Variants in KDM3A observed in about 807,000 individuals in gnomAD.
KDM3A encodes lysine-specific demethylase 3A.
A neutral mutation model predicts 158.0 loss-of-function variants in KDM3A; 60 were observed. The ratio of observed to expected loss-of-function variants is 0.38; its 90% CI spans 0.31 to 0.47. KDM3A has a LOEUF of 0.47. Among genes scored for constraint, KDM3A ranks in the 20% least tolerant of loss-of-function variants. KDM3A has a pLI of 0.99. For synonymous variants in KDM3A, 608 were observed against 549.3 expected, an observed-to-expected ratio of 1.11 and a Z score of -1.49; for missense variants, 1,319 against 1,574.3, an observed-to-expected ratio of 0.84 and a Z score of 2.74.
chr2:86,450,760 A>AT (rs995234517), intron 3 of KDM3A, among the ~76,000 whole-genome samples: 10 of 151,264 alleles, frequency 6.6e-5, no homozygotes, highest in African/African-American at 1.7e-4. Flanking sequence ...TGCTCTTTGT[A>AT]TTTTTTTTTC....
Position 86,474,805 on chromosome 2 carries a change from G to T in KDM3A, c.1754G>T (p.Arg585Leu). Reference sequence around the variant, plus strand: ...CAATTCAACAAACATGGTGTGTTGCGGGTAGAAGGCTTCTTAACACCAAAC... The same window carrying T: ...CAATTCAACAAACATGGTGTGTTGCTGGTAGAAGGCTTCTTAACACCAAAC... ...RLQFNKHGVL[R>L]VEGFLTPNKY... The change falls in exon 12 of 26, where the codon CGG (arginine) becomes CTG (leucine). Residue 585 changes from arginine to leucine, a missense_variant. Around this residue, in one of 4 missense-constraint regions of KDM3A, gnomAD observed 113 missense variants for 190.5 expected, o/e 0.59. Transcript: ENST00000312912. 6.3e-7 allele frequency: 1 copy of T among 1,596,696 alleles called. No homozygotes were observed. Among genetic ancestry groups the T allele is most frequent in the Non-Finnish European group, 8.6e-7 (1 of 1,168,674 alleles).
intron 16 of KDM3A, among the ~76,000 whole-genome samples, chr2:86,481,041 A>C (rs575487070): frequency 6.6e-6 from 1 of 152,152 alleles, no homozygotes; most frequent in Non-Finnish European, 1.5e-5. Context: ...AAGTTTTTCA[A>C]GGTTTTTCCA....
upstream of KDM3A, among the ~76,000 whole-genome samples, chr2:86,438,440 T>G (rs1447995078): frequency 3.3e-5 from 5 of 152,168 alleles, no homozygotes; most frequent in Admixed American, 2.0e-4. Flanking sequence ...TCATGGTGAC[T>G]ACAGTTAATG....
chr2:86,474,701 TTGTGTGTGTGTGTG>T lies in KDM3A; in HGVS notation c.1725-47_1725-34del, dbSNP rs369518183. On this transcript the variant is annotated intron_variant, in intron 11 of 25. Coordinates refer to ENST00000312912, the MANE Select transcript of KDM3A (RefSeq NM_018433.6). ...AAAGTAATTACAAGTTGTAAATAAG[TTGTGTGTGTGTGTG>T]TGTGTGTGTGTGTGTGTGTGTGTGT... 526 of 429,170 alleles carry T rather than the reference TTGTGTGTGTGTGTG, an allele frequency of 1.2e-3. 3 individuals are homozygous for T. Among genetic ancestry groups the T allele is most frequent in the African/African-American group, 7.6e-3 (321 of 42,302 alleles). 26.6% of individuals were successfully genotyped at this position (429,170 alleles called of 1,614,324 possible). A position where few individuals can be genotyped will look rare whatever the true frequency, so the allele number is the denominator to read the frequency against.
At position 86,474,906 on chromosome 2, in the gene KDM3A, A is replaced by G. The variant is rs2104684518; in HGVS notation, c.1855A>G (p.Lys619Glu). Reference protein sequence around the residue: ...NVVGIDLDTAKYILANIGDHF... With the variant: ...NVVGIDLDTAEYILANIGDHF... Reference sequence around the variant, plus strand: ...TGTGGGGATTGATTTGGACACAGCAAAGTACATCTTGGCCAACATTGGAGA... The same window carrying G: ...TGTGGGGATTGATTTGGACACAGCAGAGTACATCTTGGCCAACATTGGAGA... The change falls in exon 12 of 26, where the codon AAG becomes GAG. Residue 619 changes from lysine (K) to glutamate (E), a missense_variant. Around this residue, in one of 4 missense-constraint regions of KDM3A, gnomAD observed 113 missense variants for 190.5 expected, o/e 0.59. Transcript: ENST00000312912. 1 of 1,614,084 alleles carries G rather than the reference A, an allele frequency of 6.2e-7. No individual in the cohort carries two copies. Among genetic ancestry groups the G allele is most frequent in the Non-Finnish European group, 8.5e-7 (1 of 1,180,018 alleles).
Position 86,475,626 on chromosome 2 carries a change from C to A in KDM3A, c.1939+636C>A, listed in dbSNP as rs551720706. On this transcript the variant is annotated intron_variant, in intron 12 of 25. Transcript: ENST00000312912. The stretch of plus-strand genomic sequence containing the variant: ...ATCTCAAGCTAGGATGTTTGGAGGA[C>A]GGTGCAGCGTCTTCCTATCCATGTC... Among the ~76,000 whole-genome samples the A allele has an allele frequency of 1.6e-4, 25 of 152,272 alleles. No homozygotes were observed. In the South Asian group the frequency reaches 5.2e-3, roughly 32 times the overall value.
chr2:86,468,919 T>C (rs1673277822), intron 10 of KDM3A, among the ~76,000 whole-genome samples: 1 of 152,216 alleles, frequency 6.6e-6, no homozygotes, highest in Non-Finnish European at 1.5e-5. Flanking sequence ...TGTTTCTAGA[T>C]ATTTCCTCTT....
intron 5 of KDM3A, among the ~76,000 whole-genome samples, chr2:86,455,995 A>C (rs1304523137): frequency 2.6e-5 from 4 of 151,616 alleles, no homozygotes; most frequent in Non-Finnish European, 5.9e-5. Context: ...AGATATTTTT[A>C]AAGCTCAGCT....
At chr2:86,484,310 T>C (rs1674082126) in intron 19 of KDM3A, 152 bp downstream of exon 19, 5 of 640,934 alleles carry the variant, frequency 7.8e-6, no homozygotes, top group Non-Finnish European at 1.3e-5. Context: ...CTTGTTACAA[T>C]GTTTATGCTT....
intron 11 of KDM3A, among the ~76,000 whole-genome samples, chr2:86,471,371 A>G (rs555557248): frequency 2.0e-5 from 3 of 149,694 alleles, no homozygotes; most frequent in Non-Finnish European, 4.5e-5. Context: ...ATGTGTATAT[A>G]TGTATATATA....
At position 86,470,323 on chromosome 2, in the gene KDM3A, C is replaced by T; in HGVS notation, c.1639C>T (p.Arg547Ter). 1.9e-6 allele frequency: 3 copies of T among 1,614,012 alleles called. No individual in the cohort carries two copies. The highest frequency in any genetic ancestry group is 1.7e-6 in the Non-Finnish European group (2 of 1,179,966). ...VNIVAQLPKC[R>*]ECRLDSLRKD... is the part of the protein sequence containing the mutation. ...CATCGTGGCACAGTTGCCTAAATGCCGAGAGTGTCGCTTGGACAGTCTCCG... is the reference window on the plus strand; with the variant it reads ...CATCGTGGCACAGTTGCCTAAATGCTGAGAGTGTCGCTTGGACAGTCTCCG... Residue 547 changes from arginine (R) to a stop codon, truncating the protein, a stop_gained, in exon 11 of 26, where the codon CGA becomes TGA. Coordinates refer to ENST00000312912, the MANE Select transcript of KDM3A (RefSeq NM_018433.6). LOFTEE classifies it high-confidence loss of function.
At chr2:86,478,507 G>A (rs1673769627) in intron 14 of KDM3A, 101 bp from the exon 15 acceptor site, 1 of 1,350,076 alleles carries the variant, frequency 7.4e-7, no homozygotes, top group African/African-American at 1.5e-5. Context: ...GAGGGAGTGG[G>A]AAAAGTAATC....
intron 8 of KDM3A, among the ~76,000 whole-genome samples, chr2:86,459,189 G>A (rs1199396261): frequency 2.0e-5 from 3 of 152,162 alleles, no homozygotes; most frequent in Non-Finnish European, 4.4e-5. Context: ...GAGCTGCTGA[G>A]GAATAGGGGT....
chr2:86,492,295 A>G lies in KDM3A; in HGVS notation c.*176A>G, dbSNP rs531680078. On this transcript the variant is annotated 3_prime_UTR_variant, in exon 26 of 26. Coordinates refer to ENST00000312912, the MANE Select transcript of KDM3A (RefSeq NM_018433.6). The stretch of plus-strand genomic sequence containing the variant: ...TTACAGACAGTAAATGTGTATATGT[A>G]GTAACTATTTACAGAACATGCATCC... 1.3e-4 allele frequency: 72 copies of G among 541,308 alleles called. 1 individual carries two copies. The South Asian group carries it at 1.9e-3, about 14-fold the overall frequency. 33.5% of individuals were successfully genotyped at this position (541,308 alleles called of 1,614,324 possible).
rs753559236 is a variant in KDM3A, at chr2:86,478,684, C to T, written c.2265C>T (p.Asn755=). Residue 755 remains asparagine, a synonymous_variant, in exon 15 of 26, where the codon AAC becomes AAT. Coordinates refer to ENST00000312912, the MANE Select transcript of KDM3A (RefSeq NM_018433.6). ...WGIKANCPCS[N]RQFKLFSKPA... Reference sequence around the variant, plus strand: ...TAAAGGCAAACTGCCCTTGTTCAAACAGGCAATTCAAACTCTTTTCAAAGC... The same window carrying T: ...TAAAGGCAAACTGCCCTTGTTCAAATAGGCAATTCAAACTCTTTTCAAAGC... 6.2e-7 allele frequency: 1 copy of T among 1,613,968 alleles called. No individual in the cohort carries two copies. Among genetic ancestry groups the T allele is most frequent in the Non-Finnish European group, 8.5e-7 (1 of 1,179,812 alleles).
intron 11 of KDM3A, among the ~76,000 whole-genome samples, chr2:86,470,721 T>C (rs1362530591): frequency 1.3e-5 from 2 of 152,256 alleles, no homozygotes; most frequent in Admixed American, 6.5e-5. Context: ...TTCAGTGCAC[T>C]GTATGATCAT....
chr2:86,439,627 C>T (rs913839676), upstream of KDM3A, among the ~76,000 whole-genome samples: 3 of 151,946 alleles, frequency 2.0e-5, no homozygotes, highest in Admixed American at 1.3e-4. Context: ...CATATCTTCC[C>T]TTATATTTTA....
intron 14 of KDM3A, 150 bp downstream of exon 14, chr2:86,478,415 T>G: frequency 1.2e-6 from 1 of 850,656 alleles, no homozygotes; most frequent in Non-Finnish European, 1.8e-6. Context: ...CTCCAACACT[T>G]TTCGAGTCAA....
chr2:86,440,443 T>C (rs142834854), upstream of KDM3A, among the ~76,000 whole-genome samples: 1 of 152,332 alleles, frequency 6.6e-6, no homozygotes, highest in East Asian at 1.9e-4. Context: ...ATACTTCAGG[T>C]CCAGAGCACA....
Sources: allele counts gnomAD v4.1 joint callset (sites outside exome capture counted in the v4.1 genomes callset), GRCh38; gene constraint gnomAD v4.1.1; regional missense constraint gnomAD v4.1.1; transcripts MANE v1.5; gene names NCBI Gene and HGNC (gene_info 2026-07-23, HGNC 2026-07-21).